Variants in SEMA3E observed in about 807,000 individuals in gnomAD.
The protein encoded by SEMA3E is semaphorin 3E.
Under a neutral mutation model 93.6 loss-of-function variants are expected in SEMA3E, and 49 were observed. The ratio of observed to expected loss-of-function variants is 0.52; its 90% confidence interval spans 0.42 to 0.66. SEMA3E has a LOEUF of 0.66. Ranked by LOEUF, SEMA3E falls within the 30% of genes least tolerant of loss-of-function variation. SEMA3E has a pLI of 0.00. For synonymous variants in SEMA3E, 363 were observed against 330.7 expected (o/e 1.10, Z -1.06); for missense variants, 906 against 964.8 (o/e 0.94, Z 0.81).
Position 83,431,248 on chromosome 7 carries a change from GAAATA to G in SEMA3E, c.457-12770_457-12766del, listed in dbSNP as rs754542193. Among the ~76,000 whole-genome samples the G allele has an allele frequency of 1.8e-3, 272 of 151,548 alleles. 3 individuals are homozygous for G. Among genetic ancestry groups the G allele is most frequent in the Admixed American group, 6.0e-3 (92 of 15,228 alleles). On this transcript the variant is annotated intron_variant, in intron 4 of 16. Transcript: ENST00000643230. ...TGGTAGATAAATAATTTCAATGGCA[GAAATA>G]AAATAAAGTTTTGAGAAGGAATGTC...
At chr7:83,468,378 A>C (rs1205524683) in intron 3 of SEMA3E, among the ~76,000 whole-genome samples, 3 of 152,204 alleles carry the variant, frequency 2.0e-5, no homozygotes, top group Non-Finnish European at 4.4e-5. Flanking sequence ...GGAACCTATT[A>C]GACCACATTT....
intron 1 of SEMA3E, among the ~76,000 whole-genome samples, chr7:83,553,682 T>A (rs73380721): frequency 0.02 from 3,092 of 152,302 alleles, 101 homozygotes; most frequent in African/African-American, 0.071. Context: ...ACTAAAAGGT[T>A]TTGGCATTAT....
At chr7:83,480,498 CT>C (rs1039933472) in intron 2 of SEMA3E, among the ~76,000 whole-genome samples, 6 of 151,610 alleles carry the variant, frequency 4.0e-5, no homozygotes, top group South Asian at 2.1e-4. Context: ...TTTTTCTATA[CT>C]TTTTTTTTCT....
intron 16 of SEMA3E, among the ~76,000 whole-genome samples, chr7:83,373,544 G>A (rs1200034264): frequency 1.3e-5 from 2 of 152,042 alleles, no homozygotes; most frequent in Admixed American, 6.6e-5. Flanking sequence ...TAGTAGACAG[G>A]ATGAATTGTT....
intron 1 of SEMA3E, among the ~76,000 whole-genome samples, chr7:83,578,173 A>C (rs762988053): frequency 8.5e-5 from 13 of 152,144 alleles, no homozygotes; most frequent in Non-Finnish European, 1.6e-4. Context: ...TAAATGATAA[A>C]ATAGTTTCAT....
intron 1 of SEMA3E, among the ~76,000 whole-genome samples, chr7:83,623,675 T>C (rs2115641322): frequency 6.6e-6 from 1 of 152,262 alleles, no homozygotes; most frequent in African/African-American, 2.4e-5. Flanking sequence ...TTTGCTACCA[T>C]ATTTTTAGAA....
chr7:83,431,361 A>G (rs1426053832), intron 4 of SEMA3E, among the ~76,000 whole-genome samples: 2 of 151,978 alleles, frequency 1.3e-5, no homozygotes, highest in Non-Finnish European at 2.9e-5. Flanking sequence ...AAAAATAAAT[A>G]TAAATTAAAA....
chr7:83,484,563 T>C (rs1790214624), intron 2 of SEMA3E, among the ~76,000 whole-genome samples: 1 of 152,160 alleles, frequency 6.6e-6, no homozygotes, highest in African/African-American at 2.4e-5. Context: ...AAACTGGTCA[T>C]TGAGCCTTGA....
chr7:83,445,053 A>T (rs925212818), intron 4 of SEMA3E, among the ~76,000 whole-genome samples: 5 of 152,202 alleles, frequency 3.3e-5, no homozygotes, highest in African/African-American at 1.2e-4. Context: ...TAACACTGTC[A>T]GATGCAGCAA....
At chr7:83,629,588 C>CTGTGAAGGG (rs1793743381) in intron 1 of SEMA3E, among the ~76,000 whole-genome samples, 1 of 152,160 alleles carries the variant, frequency 6.6e-6, no homozygotes, top group Non-Finnish European at 1.5e-5. Flanking sequence ...TGTGTTTATA[C>CTGTGAAGGG]TGTGAAGGGA....
At chr7:83,409,250 G>A (rs1039510119) in intron 5 of SEMA3E, among the ~76,000 whole-genome samples, 1 of 152,054 alleles carries the variant, frequency 6.6e-6, no homozygotes, top group South Asian at 2.1e-4. Flanking sequence ...ATAACTTAAG[G>A]GAGAGTATAA....
chr7:83,413,932 C>T lies in SEMA3E; in HGVS notation c.550+4458G>A, dbSNP rs189618111. The stretch of plus-strand genomic sequence containing the variant: ...GGGAATTGAAGAGTGGGGCTTTTTT[C>T]TTAGTCCTTTACCTCTTTTCGTTGT... On this transcript the variant is annotated intron_variant, in intron 5 of 16. Coordinates refer to ENST00000643230, the MANE Select transcript of SEMA3E (RefSeq NM_012431.3). Among the ~76,000 whole-genome samples the T allele has an allele frequency of 2.7e-3, 409 of 152,164 alleles. 1 individual carries two copies. The highest frequency in any genetic ancestry group is 9.1e-3 in the African/African-American group (377 of 41,536).
chr7:83,577,540 C>T (rs926052480), intron 1 of SEMA3E, among the ~76,000 whole-genome samples: 5 of 152,028 alleles, frequency 3.3e-5, no homozygotes, highest in Admixed American at 6.6e-5. Context: ...TAGGAGAAAT[C>T]GTTGTAATAT....
At chr7:83,545,540 T>C (rs1272209598) in intron 1 of SEMA3E, among the ~76,000 whole-genome samples, 2 of 126,704 alleles carry the variant, frequency 1.6e-5, no homozygotes, top group African/African-American at 6.5e-5. Flanking sequence ...GTCAAAACTG[T>C]TGAAGAGAAA....
At chr7:83,556,003 C>A (rs1044813336) in intron 1 of SEMA3E, among the ~76,000 whole-genome samples, 1 of 152,062 alleles carries the variant, frequency 6.6e-6, no homozygotes, top group Non-Finnish European at 1.5e-5. Flanking sequence ...TGCCCTTAAT[C>A]CAAATTCTAA....
rs369210004 is a variant in SEMA3E at position 83,516,945 on chromosome 7, TTA to T, written c.116-26673_116-26672del. On this transcript the variant is annotated intron_variant, in intron 1 of 16. Coordinates refer to ENST00000643230, the MANE Select transcript of SEMA3E (RefSeq NM_012431.3). Reference sequence around the variant, plus strand: ...TTTATTGAGTATATATAGCATATATTTATATATATATATGTATATAAAATATA... The same window carrying T: ...TTTATTGAGTATATATAGCATATATTTATATATATATGTATATAAAATATA... Among the ~76,000 whole-genome samples, 1,131 of 148,538 alleles carry T rather than the reference TTA, an allele frequency of 7.6e-3. 16 individuals carry two copies. Among genetic ancestry groups the T allele is most frequent in the African/African-American group, 0.026 (1,072 of 40,796 alleles).
chr7:83,589,821 G>A (rs552374988), intron 1 of SEMA3E, among the ~76,000 whole-genome samples: 249 of 151,980 alleles, frequency 1.6e-3, no homozygotes, highest in African/African-American at 5.8e-3. Context: ...TATTGTATTG[G>A]ATCATTCAAA....
chr7:83,430,306 A>C, intron 4 of SEMA3E, among the ~76,000 whole-genome samples: 1 of 152,002 alleles, frequency 6.6e-6, no homozygotes, highest in East Asian at 1.9e-4. Flanking sequence ...CTCTACTTAA[A>C]ACACAAAAAT....
chr7:83,400,386 T>C, intron 10 of SEMA3E, 136 bp from the exon 11 acceptor site: 2 of 812,630 alleles, frequency 2.5e-6, no homozygotes, highest in South Asian at 1.6e-5. Flanking sequence ...TTAGTAATCA[T>C]ATATTTTTCT....
Sources: allele counts gnomAD v4.1 joint callset (sites outside exome capture counted in the v4.1 genomes callset), GRCh38; gene constraint gnomAD v4.1.1; transcripts MANE v1.5; gene names NCBI Gene and HGNC (gene_info 2026-07-23, HGNC 2026-07-21).